Variants in DISC1 observed in about 807,000 individuals in gnomAD.
DISC1 encodes the protein disrupted in schizophrenia 1 protein.
In DISC1, 57 loss-of-function variants were observed where a neutral mutation model predicts 84.5. The observed-to-expected ratio is 0.67, with a 90% CI of 0.55 to 0.84. The LOEUF (loss-of-function observed/expected upper bound fraction) is 0.84, where lower values mean the gene tolerates loss of function less well. DISC1 is among the 40% of genes least tolerant of loss of function. DISC1 has a pLI of 0.00. For synonymous variants in DISC1, 411 were observed against 415.2 expected, an observed-to-expected ratio of 0.99 and a Z score of 0.12; for missense variants, 1,000 against 1,057.8, an observed-to-expected ratio of 0.95 and a Z score of 0.76.
intron 9 of DISC1, among the ~76,000 whole-genome samples, chr1:231,909,510 AG>A (rs1487926372): frequency 1.3e-5 from 2 of 152,234 alleles, no homozygotes; most frequent in Non-Finnish European, 2.9e-5. Context: ...TTTGCATCCC[AG>A]GGATGAAGCC....
intron 9 of DISC1, among the ~76,000 whole-genome samples, chr1:231,948,275 A>T (rs1199886068): frequency 1.3e-5 from 2 of 152,246 alleles, no homozygotes; most frequent in African/African-American, 4.8e-5. Flanking sequence ...CTATGCAGCC[A>T]TAAAAAAGGA....
intron 9 of DISC1, among the ~76,000 whole-genome samples, chr1:231,823,285 T>C (rs1355167098): frequency 6.6e-6 from 1 of 152,160 alleles, no homozygotes; most frequent in Non-Finnish European, 1.5e-5. Flanking sequence ...GTCTCTTTTA[T>C]TGGCAGGGAG....
chr1:231,814,353 A>T (rs2080667772), intron 8 of DISC1, among the ~76,000 whole-genome samples: 1 of 152,202 alleles, frequency 6.6e-6, no homozygotes, highest in Non-Finnish European at 1.5e-5. Flanking sequence ...TATTTTATAC[A>T]TTGCAAAGAA....
At chr1:231,762,503 AGTTTT>A (rs1248767877) in intron 4 of DISC1, among the ~76,000 whole-genome samples, 4 of 87,546 alleles carry the variant, frequency 4.6e-5, no homozygotes, top group Non-Finnish European at 8.9e-5. Context: ...CCTAATTTTT[AGTTTT>A]GTTTTGTTTT....
intron 9 of DISC1, among the ~76,000 whole-genome samples, chr1:231,891,801 G>T (rs146293174): frequency 6.6e-6 from 1 of 152,232 alleles, no homozygotes; most frequent in Non-Finnish European, 1.5e-5. Context: ...TTTCTTCCTG[G>T]TAGAAAGCAC....
intron 5 of DISC1, among the ~76,000 whole-genome samples, chr1:231,769,915 CT>C (rs1161592051): frequency 2.0e-5 from 3 of 152,108 alleles, no homozygotes; most frequent in Admixed American, 2.0e-4. Flanking sequence ...TGAGGCATTA[CT>C]TTTTTCTTAG....
intron 3 of DISC1, among the ~76,000 whole-genome samples, chr1:231,731,902 A>C (rs990757454): frequency 6.6e-6 from 1 of 152,240 alleles, no homozygotes; most frequent in African/African-American, 2.4e-5. Context: ...CAACAAAGTC[A>C]CCAGGTAGAT....
rs142017751 is a variant in DISC1, at chr1:231,926,372, A to G, written c.1982-32456A>G. Among the ~76,000 whole-genome samples the G allele has an allele frequency of 1.5e-3, 231 of 152,362 alleles. 2 individuals carry two copies. Among genetic ancestry groups the G allele is most frequent in the Admixed American group, 8.4e-3 (128 of 15,306 alleles). ...CCATGTGTAATATTTTGTATAATAT[A>G]CAAAATTCTGGAAAGGAAGACTCAC... On this transcript the variant is annotated intron_variant, in intron 9 of 12. Coordinates refer to ENST00000439617, the MANE Select transcript of DISC1 (RefSeq NM_018662.3).
At chr1:231,929,935 A>C (rs927058391) in intron 9 of DISC1, among the ~76,000 whole-genome samples, 4 of 152,150 alleles carry the variant, frequency 2.6e-5, no homozygotes, top group Non-Finnish European at 4.4e-5. Context: ...CCTGGCTGCT[A>C]ATATGACACT....
intron 9 of DISC1, among the ~76,000 whole-genome samples, chr1:231,856,288 G>C (rs1206115949): frequency 6.6e-6 from 1 of 151,928 alleles, no homozygotes; most frequent in African/African-American, 2.4e-5. Flanking sequence ...GAAGAAGGTG[G>C]CAGGTCCAGG....
intron 10 of DISC1, among the ~76,000 whole-genome samples, chr1:231,977,485 A>G (rs1572449596): frequency 1.3e-5 from 2 of 152,150 alleles, no homozygotes; most frequent in Admixed American, 1.3e-4. Flanking sequence ...TCTTCATTGC[A>G]TCACTGTCTC....
chr1:231,778,529 G>A (rs1194030964), intron 6 of DISC1, among the ~76,000 whole-genome samples: 1 of 152,144 alleles, frequency 6.6e-6, no homozygotes, highest in Admixed American at 6.5e-5. Flanking sequence ...CCTAGAGCAT[G>A]GACCTGAGCA....
At chr1:231,855,280 A>T (rs550070125) in intron 9 of DISC1, 21 of 948,488 alleles carry the variant, frequency 2.2e-5, no homozygotes, top group Admixed American at 1.3e-4. Flanking sequence ...AACTTTCTAT[A>T]TAACATATGT....
chr1:231,998,486 TAGAG>T (rs957599721), intron 10 of DISC1, among the ~76,000 whole-genome samples: 13 of 152,244 alleles, frequency 8.5e-5, no homozygotes, highest in Middle Eastern at 3.4e-3. Flanking sequence ...AAAACAATGA[TAGAG>T]AGAACATTCT....
chr1:231,711,244 A>T (rs990374676), intron 3 of DISC1, among the ~76,000 whole-genome samples: 1 of 152,140 alleles, frequency 6.6e-6, no homozygotes, highest in Non-Finnish European at 1.5e-5. Context: ...ACCAAGGAGT[A>T]TACAGCCTAG....
At chr1:231,892,494 T>C (rs761851199) in intron 9 of DISC1, among the ~76,000 whole-genome samples, 5 of 152,090 alleles carry the variant, frequency 3.3e-5, no homozygotes, top group Non-Finnish European at 7.4e-5. Flanking sequence ...GAGGTAAAGA[T>C]ACAAGCTCAC....
chr1:231,649,230 G>T (rs2060407464), intron 1 of DISC1, among the ~76,000 whole-genome samples: 1 of 152,210 alleles, frequency 6.6e-6, no homozygotes. Flanking sequence ...TGCTTTAAAT[G>T]TGTCCCAGAG....
chr1:231,780,046 A>G (rs982088058), intron 6 of DISC1, among the ~76,000 whole-genome samples: 13 of 151,874 alleles, frequency 8.6e-5, no homozygotes, highest in Non-Finnish European at 1.6e-4. Flanking sequence ...ATGAGGTCAC[A>G]TGGACACAGG....
chr1:231,984,852 A>G (rs965245357), intron 10 of DISC1, among the ~76,000 whole-genome samples: 1 of 152,146 alleles, frequency 6.6e-6, no homozygotes, highest in Non-Finnish European at 1.5e-5. Flanking sequence ...GACACAAGTA[A>G]GGGGTTGGCA....
Sources: allele counts gnomAD v4.1 joint callset (sites outside exome capture counted in the v4.1 genomes callset), GRCh38; gene constraint gnomAD v4.1.1; transcripts MANE v1.5; gene names NCBI Gene and HGNC (gene_info 2026-07-23, HGNC 2026-07-21).